The following ELL2 variants were observed in gnomAD, a reference collection of about 807,000 sequenced individuals.
The protein encoded by ELL2 is RNA polymerase II elongation factor ELL2.
A neutral mutation model predicts 72.8 loss-of-function variants in ELL2; 21 were observed. The observed-to-expected ratio is 0.29, with a 90% CI of 0.20 to 0.42. The LOEUF (loss-of-function observed/expected upper bound fraction) is 0.42, where lower values mean the gene tolerates loss of function less well. Ranked by LOEUF, ELL2 falls within the 10% of genes least tolerant of loss-of-function variation. The probability of loss-of-function intolerance (pLI) is 1.00; values close to 1 mark genes in which losing one functional copy is unlikely to be tolerated. For synonymous variants in ELL2, 266 were observed against 283.2 expected (o/e 0.94, Z 0.61); for missense variants, 568 against 772.8 (o/e 0.73, Z 3.14).
intron 1 of ELL2, among the ~76,000 whole-genome samples, chr5:95,954,860 T>A (rs1435125257): frequency 1.3e-5 from 2 of 152,132 alleles, no homozygotes; most frequent in African/African-American, 2.4e-5. Flanking sequence ...TCTATCTCCT[T>A]CCAGATTCAC....
chr5:95,911,771 A>G (rs1749612111), intron 4 of ELL2, among the ~76,000 whole-genome samples: 1 of 152,242 alleles, frequency 6.6e-6, no homozygotes, highest in Non-Finnish European at 1.5e-5. Flanking sequence ...GAAAAGATAA[A>G]AGGAGCTGGG....
intron 8 of ELL2, among the ~76,000 whole-genome samples, chr5:95,897,922 C>G (rs540457695): frequency 1.4e-4 from 22 of 152,054 alleles, no homozygotes; most frequent in Non-Finnish European, 3.1e-4. Flanking sequence ...TATAATAGGT[C>G]ATGCTGAGGC....
intron 1 of ELL2, among the ~76,000 whole-genome samples, chr5:95,950,425 A>C (rs907635928): frequency 4.6e-5 from 7 of 152,190 alleles, no homozygotes; most frequent in Non-Finnish European, 1.0e-4. Flanking sequence ...ATTGGAGTTA[A>C]AAGCAGAAAA....
chr5:95,900,902 T>G, intron 6 of ELL2, 54 bp downstream of exon 6: 1 of 1,570,454 alleles, frequency 6.4e-7, no homozygotes, highest in African/African-American at 1.4e-5. Context: ...TAATGACTTA[T>G]TTCCATAATT....
At chr5:95,960,327 G>A (rs995482963) in intron 1 of ELL2, among the ~76,000 whole-genome samples, 6 of 151,708 alleles carry the variant, frequency 4.0e-5, no homozygotes, top group African/African-American at 1.5e-4. Context: ...CTCACGCGAT[G>A]TATCCACTCC....
intron 10 of ELL2, among the ~76,000 whole-genome samples, chr5:95,890,381 G>A (rs1169994950): frequency 6.6e-6 from 1 of 152,182 alleles, no homozygotes; most frequent in African/African-American, 2.4e-5. Flanking sequence ...CTGGTAGTGG[G>A]CTGGGACAGA....
intron 1 of ELL2, among the ~76,000 whole-genome samples, chr5:95,953,087 C>A (rs75552290): frequency 6.6e-6 from 1 of 152,092 alleles, no homozygotes; most frequent in African/African-American, 2.4e-5. Flanking sequence ...GTGGAAACAA[C>A]GGGCTGAGCA....
At chr5:95,961,464 G>T in intron 1 of ELL2, 111 bp downstream of exon 1, 1 of 1,278,654 alleles carries the variant, frequency 7.8e-7, no homozygotes, top group Non-Finnish European at 1.0e-6. Flanking sequence ...TGCGGGCGCT[G>T]ACGGTAGCAG....
intron 5 of ELL2, among the ~76,000 whole-genome samples, chr5:95,904,896 C>A: frequency 6.6e-6 from 1 of 152,070 alleles, no homozygotes; most frequent in Non-Finnish European, 1.5e-5. Context: ...TAAATGAGAT[C>A]GTGCACGTGA....
At chr5:95,954,021 G>A (rs1751521268) in intron 1 of ELL2, among the ~76,000 whole-genome samples, 1 of 152,138 alleles carries the variant, frequency 6.6e-6, no homozygotes, top group African/African-American at 2.4e-5. Context: ...AAAATGCCCT[G>A]CTCAAAACCA....
chr5:95,906,893 TA>T, intron 4 of ELL2, 111 bp from the exon 5 acceptor site: 1 of 1,134,904 alleles, frequency 8.8e-7, no homozygotes, highest in Non-Finnish European at 1.2e-6. Context: ...GAAATAATAA[TA>T]AAGGCCACTT....
chr5:95,954,111 A>G (rs796709887), intron 1 of ELL2, among the ~76,000 whole-genome samples: 1 of 152,250 alleles, frequency 6.6e-6, no homozygotes, highest in Non-Finnish European at 1.5e-5. Flanking sequence ...AACAGTTTAT[A>G]TAAGACATGT....
At chr5:95,909,417 C>T (rs923304068) in intron 4 of ELL2, among the ~76,000 whole-genome samples, 1 of 152,192 alleles carries the variant, frequency 6.6e-6, no homozygotes, top group African/African-American at 2.4e-5. Context: ...TCACTACCTC[C>T]CCATCCCTTT....
intron 1 of ELL2, among the ~76,000 whole-genome samples, chr5:95,960,991 C>T (rs1488467301): frequency 2.0e-5 from 3 of 151,872 alleles, no homozygotes; most frequent in African/African-American, 7.3e-5. Flanking sequence ...ACCATGCGCC[C>T]GAGTCCCCAT....
At chr5:95,909,932 C>G (rs1420109712) in intron 4 of ELL2, among the ~76,000 whole-genome samples, 1 of 14,708 alleles carries the variant, frequency 6.8e-5, no homozygotes, top group Admixed American at 9.8e-4. Flanking sequence ...TTCTGTGGAA[C>G]CTGACCAGAA....
intron 10 of ELL2, 39 bp from the exon 11 acceptor site, chr5:95,889,169 T>A (rs1472189896): frequency 6.6e-7 from 1 of 1,507,092 alleles, no homozygotes; most frequent in African/African-American, 1.4e-5. Context: ...GAGAACAACT[T>A]CTTTTGTGTG....
chr5:95,916,993 C>A (rs1749836068), intron 3 of ELL2, among the ~76,000 whole-genome samples: 1 of 152,206 alleles, frequency 6.6e-6, no homozygotes, highest in African/African-American at 2.4e-5. Context: ...ACAAACGGAG[C>A]TAAACGCTGT....
chr5:95,931,440 C>T (rs1750597127), intron 2 of ELL2, among the ~76,000 whole-genome samples: 1 of 152,106 alleles, frequency 6.6e-6, no homozygotes, highest in Non-Finnish European at 1.5e-5. Flanking sequence ...GCCTTCCTTA[C>T]TATAATGAGA....
intron 5 of ELL2, among the ~76,000 whole-genome samples, chr5:95,901,845 C>T (rs1199265131): frequency 9.2e-5 from 14 of 152,126 alleles, no homozygotes; most frequent in Admixed American, 9.2e-4. Context: ...GTAGCATCTA[C>T]AATGTAAAGC....
Sources: allele counts gnomAD v4.1 joint callset (sites outside exome capture counted in the v4.1 genomes callset), GRCh38; gene constraint gnomAD v4.1.1; transcripts MANE v1.5; gene names NCBI Gene and HGNC (gene_info 2026-07-23, HGNC 2026-07-21).